The following NUP160 variants were observed in gnomAD, a reference collection of about 807,000 sequenced individuals.
The protein encoded by NUP160 is nucleoporin 160.
In NUP160, 94 loss-of-function variants were observed where a neutral mutation model predicts 196.9. That is an observed-to-expected ratio of 0.48 (90% CI 0.40 to 0.57). The LOEUF is 0.57. NUP160 is among the 20% of genes least tolerant of loss of function. The pLI, the probability that NUP160 is intolerant of heterozygous loss-of-function variation, is 0.00. For missense variants in NUP160, 1,638 were observed against 1,748.3 expected (o/e 0.94, Z 1.13); for synonymous variants, 605 against 619.7 (o/e 0.98, Z 0.35).
intron 11 of NUP160, among the ~76,000 whole-genome samples, chr11:47,816,610 A>G (rs2097684616): frequency 6.6e-6 from 1 of 152,088 alleles, no homozygotes. Flanking sequence ...CCTTGTCTCT[A>G]CTAAAAACTA....
rs574206955 is a variant in NUP160, at chr11:47,845,565, T to C, written c.314+2283A>G. Among the ~76,000 whole-genome samples, 90 of 152,330 alleles carry C rather than the reference T, an allele frequency of 5.9e-4. 1 individual carries two copies. In the South Asian group the frequency reaches 0.014, roughly 23 times the overall value. On this transcript the variant is annotated intron_variant, in intron 2 of 35. Transcript: ENST00000378460. ...CGGCACCCTTTTCCTGTAACAAAAC[T>C]GCATGTACTTGGGGTTTTTTGGTTA...
At position 47,806,424 on chromosome 11, in the gene NUP160, C is replaced by A. The variant is rs180677714; in HGVS notation, c.2447-112G>T. 71 of 780,756 alleles carry A rather than the reference C, an allele frequency of 9.1e-5. No homozygotes were observed. The African/African-American group carries it at 1.2e-3, about 13-fold the overall frequency. The allele number at this position is 780,756 out of a possible 1,614,324, so 48.4% of individuals were successfully genotyped here. A position where few individuals can be genotyped will look rare whatever the true frequency, so the allele number is the denominator to read the frequency against. On this transcript the variant is annotated intron_variant, in intron 19 of 35. Transcript: ENST00000378460. Reference sequence around the variant, plus strand: ...TAACAAACAATTTAGCACTTCAAAACAGAAAATGTATCACGGGTATATATC... The same window carrying A: ...TAACAAACAATTTAGCACTTCAAAAAAGAAAATGTATCACGGGTATATATC...
Position 47,812,929 on chromosome 11 carries a change from C to T in NUP160, c.1905G>A (p.Pro635=), listed in dbSNP as rs751668114. ...CCAGAATCTGCTCTGCAGCCTTTTC[C>T]GGAGACTGTAGGTTATAACAACTCA... Residue 635 remains proline (P), a synonymous_variant, in exon 15 of 36, where the codon CCG becomes CCA. Coordinates refer to ENST00000378460, the Ensembl canonical transcript of NUP160. The T allele has an allele frequency of 9.7e-5, 156 of 1,613,404 alleles. No individual in the cohort carries two copies. In the East Asian group the frequency reaches 2.2e-3, roughly 23 times the overall value.
chr11:47,795,340 G>A (rs1262511414), intron 27 of NUP160, among the ~76,000 whole-genome samples: 1 of 152,162 alleles, frequency 6.6e-6, no homozygotes, highest in African/African-American at 2.4e-5. Flanking sequence ...CATTAATCTT[G>A]CTAAACTGGT....
chr11:47,812,115 G>A lies in NUP160; in HGVS notation c.2190C>T (p.Ile730=), dbSNP rs771072421. 6.2e-7 allele frequency: 1 copy of A among 1,614,114 alleles called. No individual in the cohort carries two copies. Among genetic ancestry groups the A allele is most frequent in the Non-Finnish European group, 8.5e-7 (1 of 1,180,012 alleles). ...GCTGTAAGATCAAAAGATCTCTGCA[G>A]ATCAGGAAACGAGTACTGGCGATTT... Residue 730 remains isoleucine, a synonymous_variant, in exon 17 of 36, where the codon ATC becomes ATT. Coordinates refer to ENST00000378460, the Ensembl canonical transcript of NUP160.
At chr11:47,841,809 T>A (rs1852304288) in intron 2 of NUP160, 1 of 168,688 alleles carries the variant, frequency 5.9e-6, no homozygotes, top group Non-Finnish European at 1.3e-5. Flanking sequence ...CACCTCAACC[T>A]CCTCAGCAGC....
chr11:47,818,024 T>C (rs945969746), intron 11 of NUP160, 32 bp downstream of exon 11: 3 of 1,379,530 alleles, frequency 2.2e-6, no homozygotes, highest in Non-Finnish European at 3.1e-6. Context: ...TAAGAAATAG[T>C]CTTAAACAAA....
intron 7 of NUP160, among the ~76,000 whole-genome samples, chr11:47,832,282 AT>A (rs1852092526): frequency 6.6e-6 from 1 of 152,098 alleles, no homozygotes; most frequent in Admixed American, 6.5e-5. Flanking sequence ...GAGAAATTTA[AT>A]TTATAGTTTA....
At chr11:47,789,010 G>A (rs2097666400) in intron 29 of NUP160, among the ~76,000 whole-genome samples, 2 of 151,888 alleles carry the variant, frequency 1.3e-5, no homozygotes, top group Admixed American at 1.3e-4. Flanking sequence ...CCGAGTAGCT[G>A]GGATTACAGG....
chr11:47,779,651 A>T, intron 35 of NUP160: 1 of 492,960 alleles, frequency 2.0e-6, no homozygotes, highest in Non-Finnish European at 4.0e-6. Context: ...AAGCAGGGTG[A>T]ATATATGACT....
chr11:47,805,224 G>A (rs1266198208), intron 20 of NUP160, among the ~76,000 whole-genome samples: 2 of 151,830 alleles, frequency 1.3e-5, no homozygotes, highest in Non-Finnish European at 2.9e-5. Flanking sequence ...CTGCCTCCAA[G>A]GTTCAAGTGA....
chr11:47,818,540 C>CAAACA lies in NUP160; in HGVS notation c.1363-421_1363-417dup, dbSNP rs201043142. Among the ~76,000 whole-genome samples the CAAACA allele has an allele frequency of 2.5e-3, 317 of 128,392 alleles. 3 individuals carry two copies. Among genetic ancestry groups the CAAACA allele is most frequent in the South Asian group, 6.6e-3 (22 of 3,356 alleles). The allele number at this position is 128,392 out of a possible 152,430, so 84.2% of individuals were successfully genotyped here. On this transcript the variant is annotated intron_variant, in intron 10 of 35. Transcript: ENST00000378460. ...AACCAGTAATAATAGGTATTATATG[C>CAAACA]AAACAAAACAAAACAAAACAAAACA...
intron 22 of NUP160, 43 bp downstream of exon 22, chr11:47,803,395 G>A (rs372818936): frequency 4.1e-5 from 50 of 1,224,112 alleles, no homozygotes; most frequent in Admixed American, 1.2e-4. Context: ...ACTTCCTTGC[G>A]TTAAAGTTTA....
chr11:47,839,263 G>C (rs1291428359), intron 4 of NUP160, among the ~76,000 whole-genome samples: 1 of 152,074 alleles, frequency 6.6e-6, no homozygotes, highest in Non-Finnish European at 1.5e-5. Context: ...AGCTAATTTT[G>C]TATTTTTAGT....
Position 47,785,082 on chromosome 11 carries a change from G to A in NUP160, c.3849-19C>T, listed in dbSNP as rs1220659995. On this transcript the variant is annotated intron_variant, in intron 32 of 35. Transcript: ENST00000378460. Reference sequence around the variant, plus strand: ...TGTAGCACTTGAAAAAAACAAAAATGACTAATGAGTTTCAGATTCTTAATA... The same window carrying A: ...TGTAGCACTTGAAAAAAACAAAAATAACTAATGAGTTTCAGATTCTTAATA... 1.5e-6 allele frequency: 2 copies of A among 1,307,332 alleles called. No individual in the cohort carries two copies. Among genetic ancestry groups the A allele is most frequent in the Non-Finnish European group, 2.0e-6 (2 of 976,778 alleles). 81.0% of individuals were successfully genotyped at this position (1,307,332 alleles called of 1,614,324 possible).
exon 30 of NUP160, chr11:47,788,599 A>G (rs759407021): frequency 1.2e-6 from 2 of 1,612,400 alleles, no homozygotes; most frequent in Non-Finnish European, 8.5e-7. Flanking sequence ...CAGGATTTCA[A>G]TTTGTCGATT....
At chr11:47,785,413 G>A (rs1599303777) in intron 32 of NUP160, among the ~76,000 whole-genome samples, 1 of 152,230 alleles carries the variant, frequency 6.6e-6, no homozygotes, top group Admixed American at 6.5e-5. Flanking sequence ...TTACAGGCAG[G>A]AGTCACCATG....
chr11:47,796,940 G>A (rs1305592463), intron 27 of NUP160, among the ~76,000 whole-genome samples: 4 of 152,202 alleles, frequency 2.6e-5, no homozygotes, highest in Non-Finnish European at 5.9e-5. Context: ...CGATCCACCT[G>A]CCTCAGCCTC....
At chr11:47,823,798 G>C (rs1851909990) in intron 7 of NUP160, among the ~76,000 whole-genome samples, 1 of 151,876 alleles carries the variant, frequency 6.6e-6, no homozygotes, top group South Asian at 2.1e-4. Flanking sequence ...GCCTCCTAAA[G>C]TGCTGGGATT....
Sources: allele counts gnomAD v4.1 joint callset (sites outside exome capture counted in the v4.1 genomes callset), GRCh38; gene constraint gnomAD v4.1.1; transcripts MANE v1.5; gene names NCBI Gene and HGNC (gene_info 2026-07-23, HGNC 2026-07-21).